Variants in ARHGAP6 observed in about 807,000 individuals in gnomAD.
ARHGAP6 encodes the protein rho GTPase-activating protein 6.
In ARHGAP6, 16 loss-of-function variants were observed where a neutral mutation model predicts 55.7. The observed-to-expected ratio is 0.29, with a 90% CI of 0.19 to 0.44. The LOEUF (loss-of-function observed/expected upper bound fraction) is 0.44. Ranked by LOEUF, ARHGAP6 falls within the 20% of genes least tolerant of loss-of-function variation. ARHGAP6 has a pLI of 1.00. For synonymous variants in ARHGAP6, 382 were observed against 360.9 expected, an observed-to-expected ratio of 1.06 and a Z score of -0.66; for missense variants, 698 against 808.9, an observed-to-expected ratio of 0.86 and a Z score of 1.66.
intron 1 of ARHGAP6, among the ~76,000 whole-genome samples, chrX:11,287,478 G>A (rs761549509): frequency 1.2e-4 from 13 of 111,755 alleles, no homozygotes; most frequent in Non-Finnish European, 2.4e-4. Flanking sequence ...CTTGACACAA[G>A]TCTGAGCTTC....
At chrX:11,486,974 T>C (rs939765059) in intron 1 of ARHGAP6, among the ~76,000 whole-genome samples, 1 of 109,591 alleles carries the variant, frequency 9.1e-6, no homozygotes, top group African/African-American at 3.3e-5. Context: ...CAATGGGAGA[T>C]TGGGTACATA....
intron 1 of ARHGAP6, among the ~76,000 whole-genome samples, chrX:11,461,203 A>G (rs775580949): frequency 8.9e-6 from 1 of 112,420 alleles, no homozygotes; most frequent in South Asian, 3.8e-4. Flanking sequence ...GAAGAGACAA[A>G]CAAAGAAGGA....
intron 8 of ARHGAP6, among the ~76,000 whole-genome samples, chrX:11,176,232 CATATAT>C (rs746195419): frequency 0.017 from 395 of 23,897 alleles, 18 homozygotes; most frequent in African/African-American, 0.051. Flanking sequence ...AGAGGATTTG[CATATAT>C]ATATATATAT....
intron 1 of ARHGAP6, among the ~76,000 whole-genome samples, chrX:11,506,727 T>A (rs763684390): frequency 2.7e-5 from 3 of 111,966 alleles, no homozygotes; most frequent in African/African-American, 9.8e-5. Flanking sequence ...TATAGCAGCA[T>A]GATTTATAAT....
chrX:11,260,043 C>T (rs983185327), intron 1 of ARHGAP6, among the ~76,000 whole-genome samples: 6 of 110,838 alleles, frequency 5.4e-5, no homozygotes, highest in African/African-American at 2.0e-4. Flanking sequence ...GAGGTAGAGG[C>T]AGAAGCGAGA....
intron 1 of ARHGAP6, among the ~76,000 whole-genome samples, chrX:11,647,434 G>A (rs1420831863): frequency 8.9e-6 from 1 of 112,173 alleles, no homozygotes; most frequent in Non-Finnish European, 1.9e-5. Flanking sequence ...ACATGCTGTT[G>A]ATGCCCCGAG....
chrX:11,403,484 C>T (rs1265611458), intron 1 of ARHGAP6, among the ~76,000 whole-genome samples: 1 of 111,600 alleles, frequency 9.0e-6, no homozygotes, highest in Non-Finnish European at 1.9e-5. Flanking sequence ...CTATTGTTTG[C>T]ATATTAAAAT....
At chrX:11,523,900 G>T (rs1325235037) in intron 1 of ARHGAP6, among the ~76,000 whole-genome samples, 1 of 111,609 alleles carries the variant, frequency 9.0e-6, no homozygotes, top group African/African-American at 3.3e-5. Flanking sequence ...GCATCATACA[G>T]TCTGGGTTTA....
At chrX:11,319,669 C>T (rs1003166165) in intron 1 of ARHGAP6, among the ~76,000 whole-genome samples, 3 of 112,313 alleles carry the variant, frequency 2.7e-5, no homozygotes, top group African/African-American at 9.7e-5. Context: ...AAATTTCTCT[C>T]CCCTTAATTT....
At chrX:11,459,224 C>T (rs73500876) in intron 1 of ARHGAP6, among the ~76,000 whole-genome samples, 12,295 of 111,582 alleles carry the variant, frequency 0.11, 625 homozygotes, top group Admixed American at 0.2. Flanking sequence ...ACTACTTAGG[C>T]TTCTCATCTA....
intron 1 of ARHGAP6, among the ~76,000 whole-genome samples, chrX:11,423,065 A>C (rs2049840437): frequency 8.9e-6 from 1 of 112,373 alleles, no homozygotes; most frequent in Non-Finnish European, 1.9e-5. Context: ...AAGTTGAAAA[A>C]ATTTTGCTTT....
chrX:11,519,881 A>G (rs1292515945), intron 1 of ARHGAP6, among the ~76,000 whole-genome samples: 1 of 102,162 alleles, frequency 9.8e-6, no homozygotes, highest in Non-Finnish European at 2.0e-5. Context: ...AACCATAAAA[A>G]CCCTAGAAGA....
At chrX:11,576,056 C>T (rs772965403) in intron 1 of ARHGAP6, among the ~76,000 whole-genome samples, 2 of 111,953 alleles carry the variant, frequency 1.8e-5, no homozygotes, top group Non-Finnish European at 3.8e-5. Context: ...AGCTAAACAA[C>T]AGTGAATTTC....
chrX:11,612,593 G>T (rs928508779), intron 1 of ARHGAP6, among the ~76,000 whole-genome samples: 1 of 112,048 alleles, frequency 8.9e-6, no homozygotes, highest in South Asian at 3.7e-4. Flanking sequence ...GAAGTAGACC[G>T]TCACCAGATC....
chrX:11,350,236 C>G (rs758814314), intron 1 of ARHGAP6, among the ~76,000 whole-genome samples: 1 of 112,097 alleles, frequency 8.9e-6, no homozygotes, highest in South Asian at 3.7e-4. Flanking sequence ...AAATATGTAA[C>G]TATGGGGCTG....
chrX:11,631,887 C>A (rs2052365618), intron 1 of ARHGAP6, among the ~76,000 whole-genome samples: 1 of 111,541 alleles, frequency 9.0e-6, no homozygotes, highest in Admixed American at 9.5e-5. Flanking sequence ...ATTTTTTCCA[C>A]CATTAAAAAT....
chrX:11,571,033 C>T (rs1399351444), intron 1 of ARHGAP6, among the ~76,000 whole-genome samples: 1 of 111,505 alleles, frequency 9.0e-6, no homozygotes, highest in East Asian at 2.8e-4. Flanking sequence ...ATGCAGACAG[C>T]ATCATTTTTA....
intron 1 of ARHGAP6, among the ~76,000 whole-genome samples, chrX:11,590,739 G>A (rs2051796460): frequency 1.0e-5 from 1 of 96,303 alleles, no homozygotes; most frequent in African/African-American, 3.9e-5. Context: ...GAGCACCAAT[G>A]CACTCCAGCC....
chrX:11,518,712 C>T (rs2050875416), intron 1 of ARHGAP6, among the ~76,000 whole-genome samples: 1 of 102,498 alleles, frequency 9.8e-6, no homozygotes, highest in East Asian at 3.2e-4. Flanking sequence ...TATACATGTG[C>T]CATGCTGGTG....
Sources: allele counts gnomAD v4.1 joint callset (sites outside exome capture counted in the v4.1 genomes callset), GRCh38; gene constraint gnomAD v4.1.1; transcripts MANE v1.5; gene names NCBI Gene and HGNC (gene_info 2026-07-23, HGNC 2026-07-21).